Variants in ARSD observed in about 807,000 individuals in gnomAD.
ARSD encodes testis tissue sperm-binding protein Li 39a.
Under a neutral mutation model 32.6 loss-of-function variants are expected in ARSD, and 21 were observed. The ratio of observed to expected loss-of-function variants is 0.64; its 90% CI spans 0.46 to 0.93. The LOEUF (loss-of-function observed/expected upper bound fraction) is 0.93. ARSD is among the 40% of genes least tolerant of loss of function. ARSD has a pLI of 0.00. For synonymous variants in ARSD, 224 were observed against 237.4 expected (o/e 0.94, Z 0.52); for missense variants, 454 against 520.9 (o/e 0.87, Z 1.25).
rs1377270462 is a variant in ARSD, at chrX:2,918,193, G to A, written c.474C>T (p.Arg158=). The A allele has an allele frequency of 4.2e-6, 5 of 1,178,801 alleles. No individual in the cohort carries two copies. Among genetic ancestry groups the A allele is most frequent in the South Asian group, 3.8e-5 (2 of 52,101 alleles). Reference sequence around the variant, plus strand: ...TCAGGGGGTGGTGGCAGTGATCCCCGCGGGATGCACAATTCACACCCTGGT... The same window carrying A: ...TCAGGGGGTGGTGGCAGTGATCCCCACGGGATGCACAATTCACACCCTGGT... ...KWHQGVNCAS[R]GDHCHHPLNH... is the part of the protein sequence containing the mutation. The change falls in exon 5 of 10, where the codon CGC becomes CGT. Residue 158 remains arginine (R), a synonymous_variant. Coordinates refer to ENST00000381154, the MANE Select transcript of ARSD (RefSeq NM_001669.4).
At chrX:2,920,498 G>A in intron 4 of ARSD, 103 bp downstream of exon 4, 1 of 1,141,127 alleles carries the variant, frequency 8.8e-7, no homozygotes, top group Non-Finnish European at 1.2e-6. Context: ...AGCCTCCTAA[G>A]TAGCTGGGAC....
At chrX:2,918,269 C>T (rs751898161) in intron 4 of ARSD, 42 bp from the exon 5 acceptor site, 2 of 1,089,359 alleles carry the variant, frequency 1.8e-6, no homozygotes, top group Non-Finnish European at 2.4e-6. Flanking sequence ...CGCTTTGAAG[C>T]AGCCCTGTCT....
rs2088877352 is a variant in ARSD, at chrX:2,908,805, C to T, written c.1336G>A (p.Gly446Arg). Residue 446 changes from glycine to arginine, a missense_variant, in exon 9 of 10, where the codon GGA (glycine) becomes AGA (arginine). Physicochemically the swap from Gly to Arg is moderately radical, Grantham distance 125. Coordinates refer to ENST00000381154, the MANE Select transcript of ARSD (RefSeq NM_001669.4). ...DGHSLVPLLQ[G>R]AEARSAHEFL... ...TCATGTGCCGAGCGTGCCTCAGCTCCCTGCAGCAAGGGTACCAGGCTGTGG... is the reference window on the plus strand; with the variant it reads ...TCATGTGCCGAGCGTGCCTCAGCTCTCTGCAGCAAGGGTACCAGGCTGTGG... The T allele has an allele frequency of 8.3e-7, 1 of 1,210,828 alleles. No homozygotes were observed. Among genetic ancestry groups the T allele is most frequent in the Non-Finnish European group, 1.1e-6 (1 of 895,161 alleles).
At chrX:2,920,133 G>A (rs1459688865) in intron 4 of ARSD, among the ~76,000 whole-genome samples, 2 of 111,244 alleles carry the variant, frequency 1.8e-5, no homozygotes, top group Non-Finnish European at 3.8e-5. Flanking sequence ...TTTTGAGATG[G>A]TGAGTGGCCA....
rs10634744 is a variant in ARSD at position 2,907,116 on chromosome X, CAAAA to C, written c.*151_*154del. ...TGAGGGACAGAGCGACACTCTGTCT[CAAAA>C]AAGAAAGAAAGAAAGAAAGAAAGTG... On this transcript the variant is annotated 3_prime_UTR_variant, in exon 10 of 10. Coordinates refer to ENST00000381154, the MANE Select transcript of ARSD (RefSeq NM_001669.4). The C allele has an allele frequency of 1.4e-5, 7 of 514,044 alleles. No individual in the cohort carries two copies. Among genetic ancestry groups the C allele is most frequent in the African/African-American group, 7.5e-5 (3 of 40,057 alleles). 42.4% of individuals were successfully genotyped at this position (514,044 alleles called of 1,213,427 possible).
intron 1 of ARSD, among the ~76,000 whole-genome samples, chrX:2,926,705 A>T (rs1355749256): frequency 8.9e-6 from 1 of 112,609 alleles, no homozygotes; most frequent in Non-Finnish European, 1.9e-5. Context: ...AGCAAGAAGA[A>T]GATGTGTAGT....
chrX:2,917,430 T>C (rs73437533), intron 5 of ARSD, among the ~76,000 whole-genome samples: 1 of 110,819 alleles, frequency 9.0e-6, no homozygotes, highest in East Asian at 2.8e-4. Flanking sequence ...AAGGGGACTC[T>C]CAGATGCTCT....
At chrX:2,908,970 C>T in intron 8 of ARSD, 128 bp from the exon 9 acceptor site, 1 of 1,003,023 alleles carries the variant, frequency 1.0e-6, no homozygotes, top group Non-Finnish European at 1.4e-6. Flanking sequence ...GCTGTCTCTC[C>T]AGTCGCTGTT....
In ARSD at chrX:2,907,540, C is replaced by T. The variant is rs200569213; in HGVS notation, c.1513G>A (p.Gly505Arg). The T allele has an allele frequency of 1.0e-4, 119 of 1,178,000 alleles. No individual in the cohort carries two copies. The highest frequency in any genetic ancestry group is 4.7e-4 in the Middle Eastern group (2 of 4,227). Residue 505 changes from glycine to arginine, a missense_variant, in exon 10 of 10, where the codon GGG becomes AGG. Gly to Arg is a moderately radical substitution (Grantham distance 125). Around this residue, in one of 3 missense-constraint regions of ARSD, gnomAD observed 179 missense variants for 198.5 expected, o/e 0.90. Transcript: ENST00000381154. The stretch of plus-strand genomic sequence containing the variant: ...GGTCTGTGATGGGTCACGCCCTCCC[C>T]GGAGCATGGGCAGACGCCTCGGCCG... The part of the protein sequence containing the change: ...CYGRGVCPCS[G>R]EGVTHHRPPL...
chrX:2,911,370 CA>C (rs2088899492), intron 6 of ARSD, among the ~76,000 whole-genome samples: 1 of 107,235 alleles, frequency 9.3e-6, no homozygotes, highest in Non-Finnish European at 1.9e-5. Context: ...GAGACTGTTT[CA>C]AAAAAAACCC....
intron 5 of ARSD, 147 bp downstream of exon 5, chrX:2,917,657 A>G (rs1464898614): frequency 1.7e-5 from 9 of 536,226 alleles, no homozygotes; most frequent in Non-Finnish European, 2.6e-5. Flanking sequence ...TATTTATTGT[A>G]GAACCTGTCT....
At chrX:2,912,222 C>A (rs753029113) in intron 6 of ARSD, among the ~76,000 whole-genome samples, 1 of 112,048 alleles carries the variant, frequency 8.9e-6, no homozygotes, top group African/African-American at 3.2e-5. Flanking sequence ...AGCCTGCTAC[C>A]TGGAGGCTTC....
rs2088835553 is a variant in ARSD, at chrX:2,904,084, T to G, written c.*3187A>C. On this transcript the variant is annotated 3_prime_UTR_variant, in exon 10 of 10. Transcript: ENST00000381154. ...ATTCGCAGAGCCGTCCACAGGTACCTACCCCCTGGACTGCAGCAACTTTAT... is the reference window on the plus strand; with the variant it reads ...ATTCGCAGAGCCGTCCACAGGTACCGACCCCCTGGACTGCAGCAACTTTAT... 1 of 111,499 alleles carries G rather than the reference T, an allele frequency of 9.0e-6. No homozygotes were observed. The highest frequency in any genetic ancestry group is 3.8e-4 in the South Asian group (1 of 2,642). 9.2% of individuals were successfully genotyped at this position (111,499 alleles called of 1,213,427 possible).
intron 4 of ARSD, among the ~76,000 whole-genome samples, chrX:2,918,959 C>CA (rs1427390746): frequency 2.4e-4 from 26 of 106,854 alleles, no homozygotes; most frequent in African/African-American, 4.1e-4. Flanking sequence ...ACTAAAAATG[C>CA]AAAAAAAATT....
At chrX:2,928,628 C>G (rs2089114325) in intron 1 of ARSD, among the ~76,000 whole-genome samples, 1 of 80,250 alleles carries the variant, frequency 1.2e-5, no homozygotes, top group South Asian at 8.2e-4. Context: ...CAGGGAGCGT[C>G]TTAGTGGACC....
intron 5 of ARSD, 104 bp downstream of exon 5, chrX:2,917,700 G>T (rs2088976669): frequency 3.6e-6 from 3 of 836,262 alleles, no homozygotes. Context: ...TAAAGCACCT[G>T]GGCTAAAAGA....
rs1569084558 is a variant in ARSD at position 2,906,662 on chromosome X, G to A, written c.*609C>T. The stretch of plus-strand genomic sequence containing the variant: ...CTCCTCCCTGTCCTTTTGTAAGGCT[G>A]TTATGTCATCTAGGTGATGAAATTG... On this transcript the variant is annotated 3_prime_UTR_variant, in exon 10 of 10. Coordinates refer to ENST00000381154, the MANE Select transcript of ARSD (RefSeq NM_001669.4). 1 of 112,516 alleles carries A rather than the reference G, an allele frequency of 8.9e-6. No homozygotes were observed. The highest frequency in any genetic ancestry group is 1.9e-5 in the Non-Finnish European group (1 of 53,505). The allele number at this position is 112,516 out of a possible 1,213,427, so 9.3% of individuals were successfully genotyped here.
At chrX:2,918,469 G>A (rs963584140) in intron 4 of ARSD, among the ~76,000 whole-genome samples, 74 of 112,512 alleles carry the variant, frequency 6.6e-4, no homozygotes, top group Non-Finnish European at 1.2e-3. Flanking sequence ...TAAGACTTTC[G>A]GCCGGGCGCG....
intron 1 of ARSD, among the ~76,000 whole-genome samples, chrX:2,926,679 A>C (rs1247712106): frequency 2.7e-5 from 3 of 112,479 alleles, no homozygotes; most frequent in Non-Finnish European, 3.7e-5. Context: ...TTTCCAAAAA[A>C]CAGAAGATTT....
Sources: allele counts gnomAD v4.1 joint callset (sites outside exome capture counted in the v4.1 genomes callset), GRCh38; gene constraint gnomAD v4.1.1; regional missense constraint gnomAD v4.1.1; transcripts MANE v1.5; gene names NCBI Gene and HGNC (gene_info 2026-07-23, HGNC 2026-07-21).